Variants in TUSC7 observed in about 807,000 individuals in gnomAD.
TUSC7 encodes LSAMP antisense RNA 3.
chr3:116,716,814 T>C (rs2051512257), intron 1 of TUSC7: 1 of 152,178 alleles, frequency 6.6e-6, no homozygotes, highest in African/African-American at 2.4e-5. Flanking sequence ...TCGCCTTATG[T>C]TCTTCTTGCC....
intron 1 of TUSC7, among the ~76,000 whole-genome samples, chr3:116,711,908 C>T (rs2051466149): frequency 6.6e-6 from 1 of 152,114 alleles, no homozygotes; most frequent in South Asian, 2.1e-4. Context: ...AATCTTGAAA[C>T]ATAACCTAAA....
intron 1 of TUSC7, among the ~76,000 whole-genome samples, chr3:116,713,487 T>C (rs1324918250): frequency 1.3e-5 from 2 of 152,190 alleles, no homozygotes; most frequent in Admixed American, 1.3e-4. Flanking sequence ...TCACTTGTGT[T>C]TTGTTGCCTT....
chr3:116,713,268 T>C (rs1335548201), intron 1 of TUSC7, among the ~76,000 whole-genome samples: 3 of 152,202 alleles, frequency 2.0e-5, no homozygotes, highest in African/African-American at 7.2e-5. Flanking sequence ...AAACAATTCC[T>C]TCTTAAATTC....
At chr3:116,712,754 C>T (rs2051473138) in intron 1 of TUSC7, 2 of 151,884 alleles carry the variant, frequency 1.3e-5, no homozygotes, top group African/African-American at 4.8e-5. Context: ...GGCGTTTTCT[C>T]ATCAATTGTA....
chr3:116,713,742 C>T (rs894618282), intron 1 of TUSC7, among the ~76,000 whole-genome samples: 4 of 152,154 alleles, frequency 2.6e-5, no homozygotes, highest in Middle Eastern at 3.4e-3. Flanking sequence ...GAGGTGGTCT[C>T]ATCACCTGAG....
intron 1 of TUSC7, among the ~76,000 whole-genome samples, chr3:116,711,652 C>G (rs777615812): frequency 6.6e-6 from 1 of 152,130 alleles, no homozygotes; most frequent in Admixed American, 6.5e-5. Flanking sequence ...GCTGCCATTA[C>G]TAATGATCAA....
chr3:116,716,398 A>G (rs918108309), intron 1 of TUSC7: 1 of 152,190 alleles, frequency 6.6e-6, no homozygotes, highest in Non-Finnish European at 1.5e-5. Context: ...GGGACTATCT[A>G]GACTCAGTGA....
intron 1 of TUSC7, chr3:116,712,716 G>A (rs2051472879): frequency 6.6e-6 from 1 of 152,064 alleles, no homozygotes; most frequent in African/African-American, 2.4e-5. Context: ...TTGAAGAAAG[G>A]AGAGAGATAT....
At chr3:116,716,045 T>C (rs1459045253) in intron 1 of TUSC7, 1 of 152,218 alleles carries the variant, frequency 6.6e-6, no homozygotes, top group Non-Finnish European at 1.5e-5. Context: ...TTGCCATGAC[T>C]CAAAAATGGC....
At chr3:116,711,843 T>A (rs1351835957) in intron 1 of TUSC7, among the ~76,000 whole-genome samples, 2 of 152,170 alleles carry the variant, frequency 1.3e-5, no homozygotes, top group Non-Finnish European at 2.9e-5. Context: ...AAAGCCTACA[T>A]AACAAATATT....
At chr3:116,716,433 T>C (rs911778929) in intron 1 of TUSC7, 16 of 152,140 alleles carry the variant, frequency 1.1e-4, no homozygotes, top group African/African-American at 2.9e-4. Context: ...ATGAGGCCTA[T>C]TTCTCTGTGA....
rs578216509 is a variant in TUSC7 at position 116,715,598 on chromosome 3, C to T, written n.99-2163C>T. ...CATACTGTGTGGAAATTTTCATATGCTTATTTGCCATATGTATATTTTCTT... is the reference window on the plus strand; with the variant it reads ...CATACTGTGTGGAAATTTTCATATGTTTATTTGCCATATGTATATTTTCTT... On this transcript the variant is annotated intron_variant and non_coding_transcript_variant, in intron 1 of 2. Coordinates refer to ENST00000477805, the Ensembl canonical transcript of TUSC7. Among the ~76,000 whole-genome samples, 12 of 152,184 alleles carry T rather than the reference C, an allele frequency of 7.9e-5. No homozygotes were observed. The South Asian group carries it at 2.5e-3, about 31-fold the overall frequency.
At position 116,714,727 on chromosome 3, in the gene TUSC7, A is replaced by T. The variant is rs202017642; in HGVS notation, n.99-3034A>T. Among the ~76,000 whole-genome samples the T allele has an allele frequency of 2.6e-5, 4 of 152,106 alleles. No individual in the cohort carries two copies. In the East Asian group the frequency reaches 7.7e-4, roughly 29 times the overall value. ...CACAGCAAAATTAAGAGGAAGATAC[A>T]CCGATTTCTCATATAGCCCCTCCCT... is the stretch of plus-strand genomic sequence containing the variant. On this transcript the variant is annotated intron_variant and non_coding_transcript_variant, in intron 1 of 2. Coordinates refer to ENST00000477805, the Ensembl canonical transcript of TUSC7.
chr3:116,716,942 T>A (rs1236177516), intron 1 of TUSC7: 1 of 152,172 alleles, frequency 6.6e-6, no homozygotes, highest in Non-Finnish European at 1.5e-5. Context: ...CAAATTTAAG[T>A]CTAATTTATG....
intron 1 of TUSC7, chr3:116,716,601 T>C (rs1028540303): frequency 5.3e-5 from 8 of 152,318 alleles, no homozygotes; most frequent in East Asian, 1.9e-4. Context: ...ACAACACCTG[T>C]CCATCAGACA....
At chr3:116,711,526 C>T (rs1304914578) in intron 1 of TUSC7, among the ~76,000 whole-genome samples, 1 of 152,092 alleles carries the variant, frequency 6.6e-6, no homozygotes. Flanking sequence ...TTGCAGCTTT[C>T]TCATTCTATG....
intron 1 of TUSC7, chr3:116,716,582 T>C (rs1301953832): frequency 6.6e-6 from 1 of 152,182 alleles, no homozygotes; most frequent in African/African-American, 2.4e-5. Flanking sequence ...TGAGCCAGCT[T>C]CACTGGAAAC....
At chr3:116,714,111 C>G (rs541797939) in intron 1 of TUSC7, 1 of 152,038 alleles carries the variant, frequency 6.6e-6, no homozygotes, top group Non-Finnish European at 1.5e-5. Context: ...CACCAGGAAA[C>G]CCCCAAAGCA....
chr3:116,712,950 C>T (rs145201805), intron 1 of TUSC7: 76 of 152,194 alleles, frequency 5.0e-4, no homozygotes, highest in African/African-American at 1.6e-3. Flanking sequence ...ACATGCATTA[C>T]ACCATCAAAT....
Sources: gnomAD v4.1 joint callset for allele counts (sites outside exome capture counted in the v4.1 genomes callset) on GRCh38, gnomAD v4.1.1 for gene constraint, MANE v1.5 for transcripts, NCBI Gene and HGNC (gene_info 2026-07-23, HGNC 2026-07-21) for gene names.